Variants in CSTPP1 observed in about 807,000 individuals in gnomAD.
The protein encoded by CSTPP1 is centriolar satellite-associated tubulin polyglutamylase complex regulator 1.
At chr11:47,095,949 A>T in the CSTPP1 span, among the ~76,000 whole-genome samples, 6 of 152,168 alleles carry the variant, frequency 3.9e-5, no homozygotes, top group Non-Finnish European at 8.8e-5. Context: ...AAGCTAAAAA[A>T]CTACATAACA....
chr11:47,144,842 A>C, the CSTPP1 span, among the ~76,000 whole-genome samples: 7 of 152,092 alleles, frequency 4.6e-5, no homozygotes, highest in African/African-American at 1.7e-4. Flanking sequence ...GTTAAACCAC[A>C]CATGGCCGGA....
At chr11:47,050,470 G>A in the CSTPP1 span, among the ~76,000 whole-genome samples, 1 of 152,188 alleles carries the variant, frequency 6.6e-6, no homozygotes, top group Non-Finnish European at 1.5e-5. Flanking sequence ...CTGTTAGAGA[G>A]TTTTAAGTGA....
chr11:47,014,202 G>C, the CSTPP1 span, among the ~76,000 whole-genome samples: 1 of 141,790 alleles, frequency 7.1e-6, no homozygotes, highest in African/African-American at 2.6e-5. Flanking sequence ...AAAAGAAAGA[G>C]AGAAAGAGAA....
chr11:47,067,417 C>G, the CSTPP1 span, among the ~76,000 whole-genome samples: 3 of 152,150 alleles, frequency 2.0e-5, no homozygotes, highest in Non-Finnish European at 4.4e-5. Flanking sequence ...CTGCCCCCCC[C>G]AAATTCCCAT....
the CSTPP1 span, among the ~76,000 whole-genome samples, chr11:47,152,646 A>G: frequency 1.3e-5 from 2 of 152,230 alleles, no homozygotes; most frequent in African/African-American, 4.8e-5. Context: ...GACAGTGGTG[A>G]TGGTGGCGCT....
chr11:47,140,096 C>T, the CSTPP1 span, among the ~76,000 whole-genome samples: 13,027 of 152,226 alleles, frequency 0.086, 1,855 homozygotes, highest in African/African-American at 0.3. Flanking sequence ...CAGCTAACAG[C>T]TCATGACCTA....
chr11:47,045,841 C>T, the CSTPP1 span, among the ~76,000 whole-genome samples: 1 of 151,906 alleles, frequency 6.6e-6, no homozygotes, highest in African/African-American at 2.4e-5. Context: ...GGCTGGAGTG[C>T]AGTGGTGCCA....
chr11:47,081,528 G>A, the CSTPP1 span, among the ~76,000 whole-genome samples: 2 of 152,158 alleles, frequency 1.3e-5, no homozygotes, highest in East Asian at 3.8e-4. Context: ...GCAGAGCTCA[G>A]ATTTGAACTC....
At chr11:46,938,382 T>C in the CSTPP1 span, among the ~76,000 whole-genome samples, 2 of 149,498 alleles carry the variant, frequency 1.3e-5, no homozygotes, top group Admixed American at 1.3e-4. Context: ...AGATACATAT[T>C]ATTAACTAAA....
the CSTPP1 span, among the ~76,000 whole-genome samples, chr11:46,958,682 G>T: frequency 6.6e-6 from 1 of 152,288 alleles, no homozygotes; most frequent in South Asian, 2.1e-4. Flanking sequence ...AGGCTGAGAA[G>T]TCCCACCATT....
the CSTPP1 span, among the ~76,000 whole-genome samples, chr11:47,123,638 A>G: frequency 1.3e-5 from 2 of 152,226 alleles, no homozygotes; most frequent in Non-Finnish European, 2.9e-5. Context: ...AAAATAAAGC[A>G]GGAAAACAAG....
chr11:47,137,767 T>A, the CSTPP1 span: 1 of 1,582,182 alleles, frequency 6.3e-7, no homozygotes, highest in Non-Finnish European at 8.7e-7. Context: ...CTCAGCTCTC[T>A]GTGGGCCACT....
the CSTPP1 span, among the ~76,000 whole-genome samples, chr11:47,010,779 T>C: frequency 4.6e-5 from 7 of 152,324 alleles, no homozygotes; most frequent in East Asian, 5.8e-4. Context: ...AGAGGTATGA[T>C]TGGACTGTTA....
the CSTPP1 span, chr11:47,160,944 A>C: frequency 1.4e-6 from 1 of 704,980 alleles, no homozygotes; most frequent in Non-Finnish European, 2.3e-6. Context: ...AAATGTATCA[A>C]GCAACAGCGA....
the CSTPP1 span, among the ~76,000 whole-genome samples, chr11:47,046,491 C>A: frequency 6.6e-6 from 1 of 151,818 alleles, no homozygotes; most frequent in African/African-American, 2.4e-5. Flanking sequence ...AAGACTTGCA[C>A]ACTGAAAACT....
the CSTPP1 span, among the ~76,000 whole-genome samples, chr11:47,073,710 G>A: frequency 1.3e-5 from 2 of 152,122 alleles, no homozygotes. Flanking sequence ...AGAATAAAAA[G>A]TAAATATGAT....
the CSTPP1 span, among the ~76,000 whole-genome samples, chr11:47,090,748 G>C: frequency 1.3e-5 from 2 of 152,126 alleles, no homozygotes; most frequent in Admixed American, 6.5e-5. Context: ...TTAAAGATAA[G>C]GAAATTGAGG....
At chr11:46,989,962 A>G in the CSTPP1 span, among the ~76,000 whole-genome samples, 1 of 152,132 alleles carries the variant, frequency 6.6e-6, no homozygotes, top group Non-Finnish European at 1.5e-5. Flanking sequence ...CCATGTTGCT[A>G]CAAAGGACAT....
the CSTPP1 span, among the ~76,000 whole-genome samples, chr11:47,139,830 C>T: frequency 1.3e-5 from 2 of 152,108 alleles, no homozygotes; most frequent in South Asian, 4.1e-4. Context: ...GAACTGGAAC[C>T]GCAGTCAGCC....
Sources: allele counts gnomAD v4.1 joint callset (sites outside exome capture counted in the v4.1 genomes callset), GRCh38; gene constraint gnomAD v4.1.1; transcripts MANE v1.5; gene names NCBI Gene and HGNC (gene_info 2026-07-23, HGNC 2026-07-21).